Variants in TPTE2 observed in about 807,000 individuals in gnomAD.
TPTE2 encodes transmembrane phosphoinositide 3-phosphatase and tensin homolog 2, also known as phosphatidylinositol 3,4,5-trisphosphate 3-phosphatase TPTE2.
Under a neutral mutation model 78.6 loss-of-function variants are expected in TPTE2, and 53 were observed. That is an observed-to-expected ratio of 0.67 (90% CI 0.54 to 0.85). The LOEUF (loss-of-function observed/expected upper bound fraction) is 0.85, where lower values mean the gene tolerates loss of function less well. Ranked by LOEUF, TPTE2 falls within the 40% of genes least tolerant of loss-of-function variation. TPTE2 has a pLI of 0.00. For synonymous variants in TPTE2, 175 were observed against 206.2 expected (o/e 0.85, Z 1.30); for missense variants, 461 against 623.0 (o/e 0.74, Z 2.77).
At chr13:19,494,451 A>G (rs1881190948) in intron 1 of TPTE2, among the ~76,000 whole-genome samples, 1 of 151,876 alleles carries the variant, frequency 6.6e-6, no homozygotes, top group African/African-American at 2.4e-5. Context: ...CCTGCTGCCC[A>G]GGGTGGAATG....
At chr13:19,463,072 C>T (rs1879036509) in intron 10 of TPTE2, among the ~76,000 whole-genome samples, 1 of 152,054 alleles carries the variant, frequency 6.6e-6, no homozygotes, top group Non-Finnish European at 1.5e-5. Context: ...CAACCTCTAC[C>T]TCCTGGATTC....
At chr13:19,520,093 A>G (rs936069807) in intron 1 of TPTE2, among the ~76,000 whole-genome samples, 2 of 151,860 alleles carry the variant, frequency 1.3e-5, no homozygotes, top group African/African-American at 4.8e-5. Flanking sequence ...CATTGATCTT[A>G]TATCTTTTGT....
chr13:19,534,975 G>C (rs760943075), intron 1 of TPTE2, among the ~76,000 whole-genome samples: 23 of 152,050 alleles, frequency 1.5e-4, no homozygotes, highest in Non-Finnish European at 3.2e-4. Flanking sequence ...GGCCGAGACG[G>C]GTGTTATCAC....
the TPTE2 span, chr13:19,561,187 C>G: frequency 4.7e-5 from 73 of 1,548,664 alleles, no homozygotes; most frequent in Middle Eastern, 2.3e-4. Context: ...TCCGAGGAGC[C>G]CTTTGGACTG....
chr13:19,433,702 G>T (rs1876853136), intron 15 of TPTE2, among the ~76,000 whole-genome samples: 1 of 152,170 alleles, frequency 6.6e-6, no homozygotes, highest in Non-Finnish European at 1.5e-5. Context: ...ATCAGAATGT[G>T]ATGGTGTCTG....
At chr13:19,554,575 T>C in the TPTE2 span, among the ~76,000 whole-genome samples, 1 of 152,072 alleles carries the variant, frequency 6.6e-6, no homozygotes, top group Admixed American at 6.5e-5. Context: ...CAAATAAGCT[T>C]GTAGTTACAC....
intron 10 of TPTE2, among the ~76,000 whole-genome samples, chr13:19,451,726 A>C (rs1454168087): frequency 6.6e-6 from 1 of 152,052 alleles, no homozygotes; most frequent in Non-Finnish European, 1.5e-5. Context: ...ATCAAATTTT[A>C]AATAACTGGT....
At position 19,467,354 on chromosome 13, in the gene TPTE2, A is replaced by T. The variant is rs1203854217; in HGVS notation, c.393-10T>A. On this transcript the variant is annotated splice_polypyrimidine_tract_variant and intron_variant, in intron 6 of 19. Transcript: ENST00000400230. Reference sequence around the variant, plus strand: ...AAAATACTGCTGTCTCCTGTAATATAAAAAAAAAAAAAAAAAAGTTCATTT... The same window carrying T: ...AAAATACTGCTGTCTCCTGTAATATTAAAAAAAAAAAAAAAAAGTTCATTT... 6 of 11,522 alleles carry T rather than the reference A, an allele frequency of 5.2e-4. No individual in the cohort carries two copies. The highest frequency in any genetic ancestry group is 0.014 in the East Asian group (1 of 70). 0.7% of individuals were successfully genotyped at this position (11,522 alleles called of 1,614,324 possible). A position where few individuals can be genotyped will look rare whatever the true frequency, so the allele number is the denominator to read the frequency against.
intron 1 of TPTE2, among the ~76,000 whole-genome samples, chr13:19,511,177 G>C (rs1869412405): frequency 6.6e-6 from 1 of 152,224 alleles, no homozygotes; most frequent in Non-Finnish European, 1.5e-5. Flanking sequence ...TTTGGCGGCA[G>C]TCTTTGCGAA....
chr13:19,543,836 G>A, the TPTE2 span, among the ~76,000 whole-genome samples: 2 of 151,992 alleles, frequency 1.3e-5, no homozygotes, highest in Non-Finnish European at 2.9e-5. Context: ...GCTGAGACAG[G>A]AGGATTGCTT....
chr13:19,522,577 G>GT (rs200246068), intron 1 of TPTE2, among the ~76,000 whole-genome samples: 3,738 of 141,332 alleles, frequency 0.026, 124 homozygotes, highest in African/African-American at 0.077. Context: ...CTCAGCATTT[G>GT]TTTTTTTCTT....
chr13:19,482,588 T>C (rs1283608682), intron 3 of TPTE2, 41 bp from the exon 7 acceptor site: 1 of 1,606,126 alleles, frequency 6.2e-7, no homozygotes, highest in Non-Finnish European at 8.5e-7. Flanking sequence ...TATCATTAGA[T>C]ATTTGCTACA....
chr13:19,482,214 A>T (rs1449889758), intron 4 of TPTE2, among the ~76,000 whole-genome samples: 1 of 152,028 alleles, frequency 6.6e-6, no homozygotes, highest in African/African-American at 2.4e-5. Flanking sequence ...CTGTTTTTTA[A>T]AAAAAAACTT....
chr13:19,513,912 G>A (rs553564623), intron 1 of TPTE2, among the ~76,000 whole-genome samples: 1 of 152,202 alleles, frequency 6.6e-6, no homozygotes, highest in South Asian at 2.1e-4. Context: ...CTCTTCATGA[G>A]TCACAGATAT....
At chr13:19,514,590 AGAGT>A (rs1013034063) in intron 1 of TPTE2, among the ~76,000 whole-genome samples, 22 of 18,654 alleles carry the variant, frequency 1.2e-3, no homozygotes, top group African/African-American at 2.3e-3. Flanking sequence ...AGTACTTCTG[AGAGT>A]GTGTGTGTGT....
Position 19,436,324 on chromosome 13 carries a change from A to G in TPTE2, c.1036-18T>C. On this transcript the variant is annotated intron_variant, in intron 14 of 19. Coordinates refer to ENST00000400230, the Ensembl canonical transcript of TPTE2. ...AGGCTTTCCTACAAAAAAGGGTACA[A>G]TCCAACCATGGTTCATCTGCACTCT... is the stretch of plus-strand genomic sequence containing the variant. 1 of 1,606,482 alleles carries G rather than the reference A, an allele frequency of 6.2e-7. No individual in the cohort carries two copies. Among genetic ancestry groups the G allele is most frequent in the African/African-American group, 1.3e-5 (1 of 74,756 alleles).
chr13:19,538,519 C>CA (rs1871337719), upstream of TPTE2, among the ~76,000 whole-genome samples: 1 of 149,610 alleles, frequency 6.7e-6, no homozygotes, highest in Non-Finnish European at 1.5e-5. Flanking sequence ...CACGCCCAGC[C>CA]TTTTTTTTTC....
chr13:19,447,652 T>C (rs1219480283), intron 13 of TPTE2, among the ~76,000 whole-genome samples: 1 of 152,148 alleles, frequency 6.6e-6, no homozygotes, highest in Non-Finnish European at 1.5e-5. Flanking sequence ...CAGTTTACGG[T>C]GCTATGTTTT....
At chr13:19,433,729 A>G (rs1444897155) in intron 15 of TPTE2, among the ~76,000 whole-genome samples, 5 of 152,206 alleles carry the variant, frequency 3.3e-5, no homozygotes, top group African/African-American at 1.2e-4. Flanking sequence ...ACCACCAGAC[A>G]TAGAGGGCAC....
Sources: allele counts gnomAD v4.1 joint callset (sites outside exome capture counted in the v4.1 genomes callset), GRCh38; gene constraint gnomAD v4.1.1; transcripts MANE v1.5; gene names NCBI Gene and HGNC (gene_info 2026-07-23, HGNC 2026-07-21).